IQCM: variants seen among roughly 807,000 people sequenced by gnomAD.
The protein encoded by IQCM is IQ motif containing M.
IQCM carries 45 observed loss-of-function variants against 57.6 expected under a neutral mutation model. The ratio of observed to expected loss-of-function variants is 0.78; its 90% CI spans 0.62 to 1.00. IQCM has a LOEUF of 1.00. Among genes scored for constraint, IQCM ranks in the 50% least tolerant of loss-of-function variants. IQCM has a pLI of 0.00. For missense variants in IQCM, 468 were observed against 511.6 expected (o/e 0.91, Z 0.82); for synonymous variants, 148 against 158.9 (o/e 0.93, Z 0.51).
intron 12 of IQCM, among the ~76,000 whole-genome samples, chr4:149,440,359 A>G (rs1223842737): frequency 6.6e-6 from 1 of 151,712 alleles, no homozygotes; most frequent in Non-Finnish European, 1.5e-5. Flanking sequence ...TTATTTTTCT[A>G]TATCCTTAAG....
intron 2 of IQCM, among the ~76,000 whole-genome samples, chr4:149,807,284 A>C (rs1774174648): frequency 6.6e-6 from 1 of 151,978 alleles, no homozygotes; most frequent in Admixed American, 6.6e-5. Flanking sequence ...GGTAATCAAA[A>C]CACCATGGTA....
At chr4:149,591,426 C>A (rs972430295) in intron 8 of IQCM, among the ~76,000 whole-genome samples, 1 of 151,764 alleles carries the variant, frequency 6.6e-6, no homozygotes, top group African/African-American at 2.4e-5. Flanking sequence ...CTATTATGCC[C>A]CAACACTTAC....
chr4:149,608,102 CA>C (rs1290340473), intron 8 of IQCM, among the ~76,000 whole-genome samples: 2 of 151,132 alleles, frequency 1.3e-5, no homozygotes, highest in East Asian at 3.9e-4. Context: ...CAGTGGAAAC[CA>C]AAAAAAGAGT....
intron 13 of IQCM, among the ~76,000 whole-genome samples, chr4:149,361,142 T>A (rs945744452): frequency 4.6e-5 from 7 of 152,098 alleles, no homozygotes; most frequent in Non-Finnish European, 8.8e-5. Flanking sequence ...CTGCAGAACT[T>A]TGAATTTGAG....
At chr4:149,594,039 C>T (rs988028299) in intron 8 of IQCM, among the ~76,000 whole-genome samples, 4 of 152,124 alleles carry the variant, frequency 2.6e-5, no homozygotes, top group African/African-American at 7.2e-5. Flanking sequence ...ATGGTACCAG[C>T]TCCTCCTTGT....
chr4:149,515,171 C>A (rs965271348), intron 12 of IQCM, among the ~76,000 whole-genome samples: 1 of 151,492 alleles, frequency 6.6e-6, no homozygotes, highest in Admixed American at 6.6e-5. Flanking sequence ...GCCCTGCCAT[C>A]TTTTGGAGAT....
Position 149,381,147 on chromosome 4 carries a change from A to G in IQCM, c.1391-29081T>C, listed in dbSNP as rs546965808. Among the ~76,000 whole-genome samples the G allele has an allele frequency of 1.3e-4, 20 of 152,204 alleles. 1 individual carries two copies. In the South Asian group the frequency reaches 3.9e-3, roughly 30 times the overall value. On this transcript the variant is annotated intron_variant, in intron 13 of 13. Transcript: ENST00000636793. ...TTCTCACATAACTGTATCCAACCCCATAGCACGTCCTGCTGACTCTATTTT... is the reference window on the plus strand; with the variant it reads ...TTCTCACATAACTGTATCCAACCCCGTAGCACGTCCTGCTGACTCTATTTT...
chr4:149,719,574 A>G (rs190781355), intron 5 of IQCM, among the ~76,000 whole-genome samples: 335 of 152,328 alleles, frequency 2.2e-3, no homozygotes, highest in African/African-American at 7.8e-3. Context: ...GTCCAGCTAA[A>G]GTTTATCTTC....
Position 149,612,324 on chromosome 4 carries a change from C to T in IQCM, c.681+8805G>A, listed in dbSNP as rs1371766109. ...ATTGTAAAGCTCCAAAGCACATTCA[C>T]GGCCATCTCTACCAAGTGAAATCAC... On this transcript the variant is annotated intron_variant, in intron 8 of 13. Transcript: ENST00000636793. Among the ~76,000 whole-genome samples the T allele has an allele frequency of 2.0e-5, 3 of 152,132 alleles. No individual in the cohort carries two copies. The East Asian group carries it at 5.8e-4, about 29-fold the overall frequency.
intron 12 of IQCM, among the ~76,000 whole-genome samples, chr4:149,480,005 C>T (rs367793118): frequency 6.6e-6 from 1 of 152,190 alleles, no homozygotes; most frequent in East Asian, 1.9e-4. Context: ...AAGAGCAACT[C>T]ATTTGCAATG....
At chr4:149,631,133 T>A (rs1344190258) in intron 7 of IQCM, among the ~76,000 whole-genome samples, 3 of 152,174 alleles carry the variant, frequency 2.0e-5, no homozygotes, top group African/African-American at 7.2e-5. Context: ...ACTAAGTTTT[T>A]AACAAGCATC....
At chr4:149,423,860 T>A (rs1560823106) in intron 13 of IQCM, among the ~76,000 whole-genome samples, 1 of 151,928 alleles carries the variant, frequency 6.6e-6, no homozygotes, top group South Asian at 2.1e-4. Context: ...CTCCCAATGG[T>A]AAATTTATAT....
At chr4:149,728,872 C>G (rs1766204795) in intron 5 of IQCM, among the ~76,000 whole-genome samples, 1 of 152,202 alleles carries the variant, frequency 6.6e-6, no homozygotes, top group African/African-American at 2.4e-5. Flanking sequence ...ACATCCAGCT[C>G]AGAGAGCAGG....
chr4:149,728,415 CA>C (rs1766154298), intron 5 of IQCM, among the ~76,000 whole-genome samples: 1 of 152,182 alleles, frequency 6.6e-6, no homozygotes, highest in Non-Finnish European at 1.5e-5. Flanking sequence ...CACGAGGACA[CA>C]ATTTATGTCC....
At chr4:149,642,039 A>G (rs1175665926) in intron 7 of IQCM, among the ~76,000 whole-genome samples, 2 of 152,172 alleles carry the variant, frequency 1.3e-5, no homozygotes, top group Non-Finnish European at 2.9e-5. Flanking sequence ...CTCAAGAAGA[A>G]ATAGTCCAGA....
chr4:149,774,177 T>C (rs1292329345), intron 2 of IQCM, among the ~76,000 whole-genome samples: 1 of 152,112 alleles, frequency 6.6e-6, no homozygotes, highest in African/African-American at 2.4e-5. Flanking sequence ...ATAGACTACA[T>C]TGACCAGGTA....
chr4:149,708,940 G>T (rs1243526683), intron 5 of IQCM, among the ~76,000 whole-genome samples: 1 of 152,026 alleles, frequency 6.6e-6, no homozygotes, highest in African/African-American at 2.4e-5. Flanking sequence ...CAATTACAAA[G>T]CTCTAGGCTG....
At chr4:149,642,876 T>A (rs979637889) in intron 7 of IQCM, among the ~76,000 whole-genome samples, 44 of 152,098 alleles carry the variant, frequency 2.9e-4, no homozygotes, top group East Asian at 5.8e-4. Context: ...TTACTTTTTT[T>A]AAAAAAATTG....
At chr4:149,603,602 A>G (rs981383055) in intron 8 of IQCM, among the ~76,000 whole-genome samples, 1 of 152,122 alleles carries the variant, frequency 6.6e-6, no homozygotes, top group Admixed American at 6.6e-5. Flanking sequence ...TGCCTGTGGT[A>G]GAAAAAGTGG....
Sources: allele counts gnomAD v4.1 joint callset (sites outside exome capture counted in the v4.1 genomes callset), GRCh38; gene constraint gnomAD v4.1.1; transcripts MANE v1.5; gene names NCBI Gene and HGNC (gene_info 2026-07-23, HGNC 2026-07-21).